Variants in GABRB1 observed in about 807,000 individuals in gnomAD.
GABRB1 encodes the protein gamma-aminobutyric acid type A receptor subunit beta1.
A neutral mutation model predicts 51.6 loss-of-function variants in GABRB1; 17 were observed. That is an observed-to-expected ratio of 0.33 (90% CI 0.23 to 0.49). GABRB1 has a LOEUF of 0.49. GABRB1 is among the 20% of genes least tolerant of loss of function. GABRB1 has a pLI of 0.99. For synonymous variants in GABRB1, 247 were observed against 218.9 expected (o/e 1.13, Z -1.14); for missense variants, 410 against 600.6 (o/e 0.68, Z 3.32).
chr4:47,054,921 T>A (rs772137522), intron 3 of GABRB1, among the ~76,000 whole-genome samples: 3 of 152,178 alleles, frequency 2.0e-5, no homozygotes, highest in Non-Finnish European at 2.9e-5. Flanking sequence ...TGTCATTTCA[T>A]AAGTCCTATT....
chr4:47,014,074 G>A (rs777494420), intron 1 of GABRB1, among the ~76,000 whole-genome samples: 4 of 151,800 alleles, frequency 2.6e-5, no homozygotes, highest in African/African-American at 9.7e-5. Flanking sequence ...TATATGCTAC[G>A]AAGTAGGTAT....
At chr4:47,296,778 T>C (rs10022852) in intron 4 of GABRB1, among the ~76,000 whole-genome samples, 151,153 of 152,266 alleles carry the variant, frequency 0.99, 75,028 homozygotes, top group East Asian at 1. Flanking sequence ...ATCTACAAAA[T>C]TCTCCACCCC....
intron 4 of GABRB1, among the ~76,000 whole-genome samples, chr4:47,228,414 T>A (rs893230730): frequency 4.0e-5 from 6 of 151,770 alleles, no homozygotes; most frequent in African/African-American, 1.5e-4. Flanking sequence ...ATATGCTACC[T>A]CCAGAATTGA....
At chr4:47,089,319 T>C (rs1281921109) in intron 3 of GABRB1, among the ~76,000 whole-genome samples, 2 of 152,160 alleles carry the variant, frequency 1.3e-5, no homozygotes, top group African/African-American at 2.4e-5. Flanking sequence ...TGTTTTGCAA[T>C]AGTACCGGGA....
At chr4:47,238,587 C>T (rs1001416477) in intron 4 of GABRB1, among the ~76,000 whole-genome samples, 3 of 152,140 alleles carry the variant, frequency 2.0e-5, no homozygotes, top group African/African-American at 7.2e-5. Context: ...TCCAGTTCTG[C>T]TCTTCATGTG....
intron 3 of GABRB1, among the ~76,000 whole-genome samples, chr4:47,103,731 A>G (rs973782951): frequency 5.3e-5 from 8 of 151,954 alleles, no homozygotes; most frequent in African/African-American, 1.9e-4. Flanking sequence ...GGGGTCTATA[A>G]TAGAAAGTTT....
chr4:47,178,276 G>A (rs1718784995), intron 4 of GABRB1, among the ~76,000 whole-genome samples: 1 of 152,052 alleles, frequency 6.6e-6, no homozygotes, highest in Non-Finnish European at 1.5e-5. Flanking sequence ...TTGCTCTCTG[G>A]GTTAAGAGTC....
chr4:47,237,397 G>A (rs1201213932), intron 4 of GABRB1, among the ~76,000 whole-genome samples: 7 of 151,990 alleles, frequency 4.6e-5, no homozygotes, highest in Admixed American at 4.6e-4. Context: ...CACTGAAGGA[G>A]AGAAACATGC....
chr4:47,367,281 A>G (rs1485028097), intron 5 of GABRB1, among the ~76,000 whole-genome samples: 2 of 152,194 alleles, frequency 1.3e-5, no homozygotes, highest in Non-Finnish European at 2.9e-5. Context: ...GTGTCTCCCA[A>G]TAGCTTAGAA....
intron 5 of GABRB1, among the ~76,000 whole-genome samples, chr4:47,364,448 A>G (rs1412972397): frequency 6.6e-6 from 1 of 152,134 alleles, no homozygotes; most frequent in Non-Finnish European, 1.5e-5. Context: ...AAAAGCTATT[A>G]AAATGATAAA....
At chr4:47,083,348 T>C (rs564792370) in intron 3 of GABRB1, among the ~76,000 whole-genome samples, 1 of 152,310 alleles carries the variant, frequency 6.6e-6, no homozygotes, top group African/African-American at 2.4e-5. Flanking sequence ...ATTACACATG[T>C]GCATGCACAC....
At chr4:47,031,184 G>T (rs1725276695), upstream of GABRB1, among the ~76,000 whole-genome samples, 1 of 151,768 alleles carries the variant, frequency 6.6e-6, no homozygotes, top group Admixed American at 6.6e-5. Flanking sequence ...TCCTCCCGGT[G>T]CCCGCCACAG....
chr4:47,227,910 T>A (rs1426196292), intron 4 of GABRB1, among the ~76,000 whole-genome samples: 5 of 152,210 alleles, frequency 3.3e-5, no homozygotes, highest in Non-Finnish European at 7.4e-5. Context: ...TCTTTCCCTA[T>A]GTCCTAATCT....
At chr4:47,339,559 G>A (rs1167155003) in intron 5 of GABRB1, among the ~76,000 whole-genome samples, 1 of 151,858 alleles carries the variant, frequency 6.6e-6, no homozygotes, top group Non-Finnish European at 1.5e-5. Flanking sequence ...GTGTGTGTGT[G>A]TGTGTGTGTG....
At chr4:46,996,043 T>TA (rs1001553540) in intron 1 of GABRB1, among the ~76,000 whole-genome samples, 1 of 150,880 alleles carries the variant, frequency 6.6e-6, no homozygotes, top group Non-Finnish European at 1.5e-5. Context: ...CTGAAATCTT[T>TA]AAAAAAATAT....
At chr4:47,288,014 G>C (rs940070254) in intron 4 of GABRB1, among the ~76,000 whole-genome samples, 5 of 152,194 alleles carry the variant, frequency 3.3e-5, no homozygotes, top group African/African-American at 7.2e-5. Flanking sequence ...GCTTGAGGCA[G>C]AGGCACTAAA....
chr4:47,294,585 G>A (rs1018076046), intron 4 of GABRB1, among the ~76,000 whole-genome samples: 2 of 152,230 alleles, frequency 1.3e-5, no homozygotes, highest in African/African-American at 4.8e-5. Context: ...GCTTGCTTAG[G>A]TAAACAAAGC....
chr4:47,316,847 T>C lies in GABRB1; in HGVS notation c.462-3280T>C, dbSNP rs1203713246. On this transcript the variant is annotated intron_variant, in intron 4 of 8. Coordinates refer to ENST00000295454, the MANE Select transcript of GABRB1 (RefSeq NM_000812.4). Reference sequence around the variant, plus strand: ...TCACTATTTATAAGGATTTTCTCAATGCTGTATAAATAAAATGCAATAAAA... The same window carrying C: ...TCACTATTTATAAGGATTTTCTCAACGCTGTATAAATAAAATGCAATAAAA... Among the ~76,000 whole-genome samples, 7 of 151,946 alleles carry C rather than the reference T, an allele frequency of 4.6e-5. No homozygotes were observed. In the East Asian group the frequency reaches 1.3e-3, roughly 29 times the overall value.
intron 4 of GABRB1, among the ~76,000 whole-genome samples, chr4:47,269,493 C>T (rs1722770493): frequency 6.6e-6 from 1 of 152,056 alleles, no homozygotes; most frequent in African/African-American, 2.4e-5. Context: ...TGATAGATGG[C>T]TCCAGTGGGG....
Sources: allele counts gnomAD v4.1 joint callset (sites outside exome capture counted in the v4.1 genomes callset), GRCh38; gene constraint gnomAD v4.1.1; transcripts MANE v1.5; gene names NCBI Gene and HGNC (gene_info 2026-07-23, HGNC 2026-07-21).